UGP2: variants seen among roughly 807,000 people sequenced by gnomAD.
UGP2 encodes the protein UDP-glucose pyrophosphorylase 2.
A neutral mutation model predicts 49.0 loss-of-function variants in UGP2; 40 were observed. That is an observed-to-expected ratio of 0.82 (90% CI 0.63 to 1.06). The LOEUF (loss-of-function observed/expected upper bound fraction) is 1.06, where lower values mean the gene tolerates loss of function less well. UGP2 is among the 50% of genes least tolerant of loss of function. The pLI is 0.00. For synonymous variants in UGP2, 225 were observed against 213.0 expected (o/e 1.06, Z -0.49); for missense variants, 460 against 603.5 (o/e 0.76, Z 2.49).
intron 6 of UGP2, 116 bp from the exon 7 acceptor site, chr2:63,886,225 T>A (rs913223833): frequency 9.5e-7 from 1 of 1,048,216 alleles, no homozygotes; most frequent in Admixed American, 2.2e-5. Flanking sequence ...TATGAAAATT[T>A]ACTCTGTTTC....
At chr2:63,884,993 CTTTTTTTTTTTTTT>C (rs528966512) in intron 5 of UGP2, among the ~76,000 whole-genome samples, 12 of 23,150 alleles carry the variant, frequency 5.2e-4, no homozygotes, top group African/African-American at 2.0e-3. Flanking sequence ...CCCATGGTTA[CTTTTTTTTTTTTTT>C]TTTTTTTTTT....
At chr2:63,846,089 G>T (rs1671911093) in intron 1 of UGP2, 1 of 152,058 alleles carries the variant, frequency 6.6e-6, no homozygotes, top group African/African-American at 2.4e-5. Context: ...TCTGCTGTTG[G>T]GTCACCTTCT....
chr2:63,885,662 G>T lies in UGP2; in HGVS notation c.649G>T (p.Ala217Ser). ...DVSYSGENTEAWYPPGHGDIY... is the reference protein window; with the variant it reads ...DVSYSGENTESWYPPGHGDIY... The stretch of plus-strand genomic sequence containing the variant: ...GTCTTACTCAGGGGAAAATACAGAA[G>T]CTTGGTACCCTCCAGGTCATGGTGA... The change falls in exon 6 of 10, where the codon GCT becomes TCT. Residue 217 changes from alanine (A) to serine (S), a missense_variant. Around this residue, in one of 2 missense-constraint regions of UGP2, gnomAD observed 317 missense variants for 473.0 expected, o/e 0.67. Transcript: ENST00000337130. The T allele has an allele frequency of 6.2e-7, 1 of 1,613,264 alleles. No homozygotes were observed. Among genetic ancestry groups the T allele is most frequent in the Non-Finnish European group, 8.5e-7 (1 of 1,179,712 alleles).
intron 1 of UGP2, among the ~76,000 whole-genome samples, chr2:63,852,841 GT>G (rs1669130160): frequency 6.6e-6 from 1 of 152,190 alleles, no homozygotes; most frequent in African/African-American, 2.4e-5. Context: ...ATAAACCTTA[GT>G]TTCTACGGAA....
chr2:63,880,747 G>A (rs1243343045), intron 3 of UGP2, among the ~76,000 whole-genome samples: 2 of 152,242 alleles, frequency 1.3e-5, no homozygotes, highest in Middle Eastern at 3.4e-3. Context: ...TCACCCCTGC[G>A]TTGTCCTCAC....
At chr2:63,852,310 A>G (rs559864461) in intron 1 of UGP2, among the ~76,000 whole-genome samples, 3 of 152,356 alleles carry the variant, frequency 2.0e-5, no homozygotes, top group Non-Finnish European at 4.4e-5. Context: ...CCCCAAACCT[A>G]CTGAATCAGA....
chr2:63,857,067 A>G (rs1669492932), intron 2 of UGP2, among the ~76,000 whole-genome samples: 1 of 152,136 alleles, frequency 6.6e-6, no homozygotes, highest in East Asian at 1.9e-4. Context: ...TGGGAGACCA[A>G]GGCAGGAGGA....
intron 1 of UGP2, 51 bp from the exon 2 acceptor site, chr2:63,856,255 T>C (rs1575811560): frequency 1.3e-6 from 2 of 1,587,634 alleles, no homozygotes; most frequent in Admixed American, 1.8e-5. Context: ...ACCAGCTGTT[T>C]GAATGGCTTC....
At position 63,887,728 on chromosome 2, in the gene UGP2, A is replaced by G; in HGVS notation, c.1314+84A>G. The G allele has an allele frequency of 2.0e-6, 3 of 1,517,810 alleles. No homozygotes were observed. In the South Asian group the frequency reaches 3.8e-5, roughly 19 times the overall value. The allele number at this position is 1,517,810 out of a possible 1,614,324, so 94.0% of individuals were successfully genotyped here. A position where few individuals can be genotyped will look rare whatever the true frequency, so the allele number is the denominator to read the frequency against. ...TGATATACATGTGAATTGGAGACTAATTACAGTCTCTACCACTGACCTGTT... is the reference window on the plus strand; with the variant it reads ...TGATATACATGTGAATTGGAGACTAGTTACAGTCTCTACCACTGACCTGTT... On this transcript the variant is annotated intron_variant, in intron 8 of 9. Transcript: ENST00000337130.
rs752919793 is a variant in UGP2 at position 63,886,322 on chromosome 2, C to T, written c.874-19C>T. 1 of 1,612,256 alleles carries T rather than the reference C, an allele frequency of 6.2e-7. No homozygotes were observed. The highest frequency in any genetic ancestry group is 8.5e-7 in the Non-Finnish European group (1 of 1,178,384). On this transcript the variant is annotated intron_variant, in intron 6 of 9. Transcript: ENST00000337130. Reference sequence around the variant, plus strand: ...CTTGAGACTGATGTGGAGGCACTCACTATTTTCTGCCTTTCTAGGGCGGGA... The same window carrying T: ...CTTGAGACTGATGTGGAGGCACTCATTATTTTCTGCCTTTCTAGGGCGGGA...
At position 63,867,848 on chromosome 2, in the gene UGP2, A is replaced by C. The variant is rs186780566; in HGVS notation, c.255+9912A>C. On this transcript the variant is annotated intron_variant, in intron 3 of 9. Transcript: ENST00000337130. ...TTAGTCTGCAGTTTTCATTGTATTA[A>C]ATAACTCATCTAGCCTAACAAATTT... Among the ~76,000 whole-genome samples the C allele has an allele frequency of 7.2e-5, 11 of 152,318 alleles. No individual in the cohort carries two copies. In the East Asian group the frequency reaches 1.9e-3, roughly 27 times the overall value.
intron 1 of UGP2, among the ~76,000 whole-genome samples, chr2:63,850,078 T>C (rs1431411460): frequency 6.6e-6 from 1 of 152,192 alleles, no homozygotes; most frequent in Non-Finnish European, 1.5e-5. Flanking sequence ...CTCTTCTGAA[T>C]GTTCTGTTTT....
intron 3 of UGP2, among the ~76,000 whole-genome samples, chr2:63,867,692 A>C (rs1341410901): frequency 6.6e-6 from 1 of 152,208 alleles, no homozygotes; most frequent in Non-Finnish European, 1.5e-5. Flanking sequence ...TTATCAGTGT[A>C]CTTAATTTGA....
chr2:63,884,153 T>G, intron 5 of UGP2, 60 bp downstream of exon 5: 4 of 1,592,198 alleles, frequency 2.5e-6, no homozygotes, highest in Non-Finnish European at 3.4e-6. Flanking sequence ...CTTCTTTATC[T>G]TGTTTATAAC....
intron 8 of UGP2, 98 bp downstream of exon 8, chr2:63,887,742 C>G (rs1350977769): frequency 2.1e-6 from 3 of 1,445,610 alleles, no homozygotes; most frequent in Non-Finnish European, 2.8e-6. Flanking sequence ...CAGTCTCTAC[C>G]ACTGACCTGT....
chr2:63,873,984 A>G (rs1462155757), intron 3 of UGP2, among the ~76,000 whole-genome samples: 1 of 152,190 alleles, frequency 6.6e-6, no homozygotes, highest in Non-Finnish European at 1.5e-5. Context: ...CTCTAGTCCA[A>G]ACAGCAGGAA....
At chr2:63,864,364 C>T (rs538302267) in intron 3 of UGP2, among the ~76,000 whole-genome samples, 1 of 152,224 alleles carries the variant, frequency 6.6e-6, no homozygotes, top group South Asian at 2.1e-4. Flanking sequence ...GGAGTACATC[C>T]CTATGTTTAT....
chr2:63,879,523 G>A (rs1181826285), intron 3 of UGP2, among the ~76,000 whole-genome samples: 1 of 152,042 alleles, frequency 6.6e-6, no homozygotes, highest in Admixed American at 6.5e-5. Context: ...TCCTGATATT[G>A]TAATGACAAG....
At chr2:63,842,670 T>G in intron 1 of UGP2, 1 of 1,356,330 alleles carries the variant, frequency 7.4e-7, no homozygotes, top group Non-Finnish European at 9.6e-7. Flanking sequence ...TGTACGTGGT[T>G]TGCGTCTCAG....
Sources: gnomAD v4.1 joint callset for allele counts (sites outside exome capture counted in the v4.1 genomes callset) on GRCh38, gnomAD v4.1.1 for gene constraint, gnomAD v4.1.1 regional missense constraint, MANE v1.5 for transcripts, NCBI Gene and HGNC (gene_info 2026-07-23, HGNC 2026-07-21) for gene names.